The following CCDC175 variants were observed in gnomAD, a reference collection of about 807,000 sequenced individuals.
CCDC175 encodes the protein coiled-coil domain containing 175, also known as coiled-coil domain-containing protein 175.
Under a neutral mutation model 114.6 loss-of-function variants are expected in CCDC175, and 100 were observed. The observed-to-expected ratio is 0.87, with a 90% CI of 0.74 to 1.03. The LOEUF (loss-of-function observed/expected upper bound fraction) is 1.03, where lower values mean the gene tolerates loss of function less well. Among genes scored for constraint, CCDC175 ranks in the 50% least tolerant of loss-of-function variants. The pLI is 0.00. For missense variants in CCDC175, 880 were observed against 917.8 expected (o/e 0.96, Z 0.53); for synonymous variants, 306 against 308.7 (o/e 0.99, Z 0.09).
intron 13 of CCDC175, among the ~76,000 whole-genome samples, chr14:59,537,343 G>T (rs1894462409): frequency 6.6e-6 from 1 of 152,066 alleles, no homozygotes; most frequent in Non-Finnish European, 1.5e-5. Context: ...TCTAAATTAG[G>T]AAATTTCCAA....
rs191264713 is a variant in CCDC175, at chr14:59,513,607, C to T, written c.2099-1804G>A. Among the ~76,000 whole-genome samples, 260 of 152,242 alleles carry T rather than the reference C, an allele frequency of 1.7e-3. 2 individuals are homozygous for T. Among genetic ancestry groups the T allele is most frequent in the African/African-American group, 4.0e-3 (167 of 41,542 alleles). On this transcript the variant is annotated intron_variant, in intron 17 of 19. Coordinates refer to ENST00000537690, the MANE Select transcript of CCDC175 (RefSeq NM_001164399.2). ...CTGAGATCAAACTGCAAGGCAGCAG[C>T]GAGGCTGGGGGAGGGGTGCCTGCCA...
At chr14:59,520,010 G>C (rs1893331151) in intron 17 of CCDC175, among the ~76,000 whole-genome samples, 1 of 152,242 alleles carries the variant, frequency 6.6e-6, no homozygotes, top group Non-Finnish European at 1.5e-5. Flanking sequence ...GTTCCCGGCT[G>C]TTGAATTACC....
intron 3 of CCDC175, among the ~76,000 whole-genome samples, chr14:59,571,684 A>G (rs900325427): frequency 5.9e-5 from 9 of 152,364 alleles, no homozygotes; most frequent in African/African-American, 2.2e-4. Context: ...GTGGAAACAC[A>G]AAATGGTGCA....
chr14:59,532,889 C>G (rs1177974271), intron 13 of CCDC175, among the ~76,000 whole-genome samples: 3 of 152,220 alleles, frequency 2.0e-5, no homozygotes, highest in African/African-American at 7.2e-5. Flanking sequence ...GATGTTCAGA[C>G]TCACAAAATT....
In CCDC175 at chr14:59,521,666, T is replaced by G; in HGVS notation, c.2006A>C (p.Tyr669Ser). Residue 669 changes from tyrosine (Y) to serine (S), a missense_variant, in exon 17 of 20, where the codon TAC (tyrosine) becomes TCC (serine). By Grantham distance (144) the Tyr-to-Ser change is moderately radical. Coordinates refer to ENST00000537690, the MANE Select transcript of CCDC175 (RefSeq NM_001164399.2). ...ENKKLKEYIL[Y>S]LKNNIEKYRE... ...GTATTTCTCTATGTTATTCTTCAAG[T>G]ATAAAATATACTGAAAATTAAAAGC... 2 of 1,501,104 alleles carry G rather than the reference T, an allele frequency of 1.3e-6. No homozygotes were observed. Among genetic ancestry groups the G allele is most frequent in the Non-Finnish European group, 1.8e-6 (2 of 1,114,284 alleles). 93.0% of individuals were successfully genotyped at this position (1,501,104 alleles called of 1,614,324 possible). A position where few individuals can be genotyped will look rare whatever the true frequency, so the allele number is the denominator to read the frequency against.
intron 1 of CCDC175, among the ~76,000 whole-genome samples, chr14:59,575,298 T>A (rs1897046510): frequency 6.6e-6 from 1 of 152,234 alleles, no homozygotes; most frequent in Non-Finnish European, 1.5e-5. Flanking sequence ...GTAATGATTT[T>A]TTTTTCCTAT....
Position 59,576,618 on chromosome 14 carries a change from C to T in CCDC175, c.157+1G>A. 7.5e-6 allele frequency: 11 copies of T among 1,457,026 alleles called. No individual in the cohort carries two copies. Among genetic ancestry groups the T allele is most frequent in the Non-Finnish European group, 9.9e-6 (11 of 1,113,346 alleles). The allele number at this position is 1,457,026 out of a possible 1,614,324, so 90.3% of individuals were successfully genotyped here. The stretch of plus-strand genomic sequence containing the variant: ...CTTCCAGCGCCCGAGGGGCGTCTTA[C>T]CCACAACAAACAGCTGCTCCAGCGC... On this transcript the variant is annotated splice_donor_variant, in intron 1 of 19. Transcript: ENST00000537690. LOFTEE classifies it high-confidence loss of function.
chr14:59,564,927 C>T (rs4901941), intron 5 of CCDC175, 120 bp downstream of exon 5: 408,821 of 707,894 alleles, frequency 0.58, 121,151 homozygotes, highest in East Asian at 0.81. Context: ...TTTCCCAGCG[C>T]GTTCACAGAA....
intron 13 of CCDC175, among the ~76,000 whole-genome samples, chr14:59,536,359 C>G (rs898387582): frequency 5.3e-5 from 8 of 151,990 alleles, no homozygotes; most frequent in South Asian, 2.1e-4. Context: ...GACCATATCA[C>G]GTGCACTCTC....
chr14:59,513,869 T>G (rs2139960313), intron 17 of CCDC175, among the ~76,000 whole-genome samples: 1 of 152,286 alleles, frequency 6.6e-6, no homozygotes, highest in East Asian at 1.9e-4. Context: ...GACTGCCTCC[T>G]CAAGCACGTC....
intron 3 of CCDC175, among the ~76,000 whole-genome samples, chr14:59,569,647 A>G (rs1370089319): frequency 6.6e-6 from 1 of 150,774 alleles, no homozygotes. Flanking sequence ...GATTCTTCTA[A>G]ATCTGATTTT....
intron 17 of CCDC175, among the ~76,000 whole-genome samples, chr14:59,517,734 A>G (rs922870437): frequency 3.3e-5 from 5 of 152,182 alleles, no homozygotes; most frequent in African/African-American, 9.6e-5. Flanking sequence ...TCGTGAAAAC[A>G]GCCATACTGC....
Position 59,563,835 on chromosome 14 carries a change from C to A in CCDC175, c.745G>T (p.Glu249Ter). Residue 249 changes from glutamate (E) to a stop codon, truncating the protein, a stop_gained, in exon 6 of 20, where the codon GAA (glutamate) becomes TAA (stop). Coordinates refer to ENST00000537690, the MANE Select transcript of CCDC175 (RefSeq NM_001164399.2). LOFTEE classifies it high-confidence loss of function. The part of the protein sequence containing the change: ...AQINEFENTR[E>*]VKRMETYQKK... ...TGATAAGTCTCCATTCTCTTTACTT[C>A]ACGGGTATTTTCAAATTCATTAATC... 1 of 1,439,456 alleles carries A rather than the reference C, an allele frequency of 6.9e-7. No individual in the cohort carries two copies. The highest frequency in any genetic ancestry group is 1.5e-5 in the South Asian group (1 of 67,654). 89.2% of individuals were successfully genotyped at this position (1,439,456 alleles called of 1,614,324 possible).
intron 7 of CCDC175, among the ~76,000 whole-genome samples, chr14:59,555,156 A>T (rs568035760): frequency 6.6e-6 from 1 of 152,304 alleles, no homozygotes; most frequent in African/African-American, 2.4e-5. Context: ...GCAGAGACAC[A>T]ACAAAAAAAG....
chr14:59,556,930 C>CAGTTAGAA (rs1273786916), intron 7 of CCDC175, among the ~76,000 whole-genome samples: 1 of 152,094 alleles, frequency 6.6e-6, no homozygotes, highest in African/African-American at 2.4e-5. Flanking sequence ...CATCTCACAC[C>CAGTTAGAA]AGTTAGAATG....
chr14:59,508,694 G>C (rs1182916145), intron 19 of CCDC175, among the ~76,000 whole-genome samples: 1 of 151,990 alleles, frequency 6.6e-6, no homozygotes. Flanking sequence ...CCTTTGGGAG[G>C]TGATTAGGTC....
intron 7 of CCDC175, among the ~76,000 whole-genome samples, chr14:59,559,148 A>G (rs1896089803): frequency 6.6e-6 from 1 of 152,126 alleles, no homozygotes; most frequent in African/African-American, 2.4e-5. Context: ...AACCTCATAC[A>G]CTTTAATGGC....
chr14:59,560,821 G>A (rs2140103028), intron 7 of CCDC175, among the ~76,000 whole-genome samples: 1 of 152,214 alleles, frequency 6.6e-6, no homozygotes, highest in Middle Eastern at 3.4e-3. Flanking sequence ...TCCCTCATGG[G>A]CATTTTTGTT....
At chr14:59,547,759 G>A (rs1895202038) in intron 8 of CCDC175, among the ~76,000 whole-genome samples, 1 of 152,138 alleles carries the variant, frequency 6.6e-6, no homozygotes, top group African/African-American at 2.4e-5. Context: ...GGTAACAGAA[G>A]AGAATAGTCT....
Sources: allele counts gnomAD v4.1 joint callset (sites outside exome capture counted in the v4.1 genomes callset), GRCh38; gene constraint gnomAD v4.1.1; transcripts MANE v1.5; gene names NCBI Gene and HGNC (gene_info 2026-07-23, HGNC 2026-07-21).